Variants in GALNT6 observed in about 807,000 individuals in gnomAD.
GALNT6 encodes the protein polypeptide N-acetylgalactosaminyltransferase 6.
In GALNT6, 51 loss-of-function variants were observed where a neutral mutation model predicts 65.9. That is an observed-to-expected ratio of 0.77 (90% confidence interval 0.62 to 0.98). The LOEUF is 0.98. GALNT6 is among the 50% of genes least tolerant of loss of function. The probability of loss-of-function intolerance (pLI) is 0.00; values close to 1 mark genes in which losing one functional copy is unlikely to be tolerated. For missense variants in GALNT6, 708 were observed against 803.3 expected, an observed-to-expected ratio of 0.88 and a Z score of 1.43; for synonymous variants, 323 against 315.1, an observed-to-expected ratio of 1.02 and a Z score of -0.26.
In GALNT6 at chr12:51,379,810, C is replaced by A; in HGVS notation, c.-29G>T. 6.3e-7 allele frequency: 1 copy of A among 1,577,704 alleles called. No homozygotes were observed. Among genetic ancestry groups the A allele is most frequent in the Non-Finnish European group, 8.6e-7 (1 of 1,166,566 alleles). Reference sequence around the variant, plus strand: ...CCAGAACCAAGGGGCACCCCAGCTGCGTCAGCTCTGAGTCCTGAGCCCAAC... The same window carrying A: ...CCAGAACCAAGGGGCACCCCAGCTGAGTCAGCTCTGAGTCCTGAGCCCAAC... On this transcript the variant is annotated 5_prime_UTR_variant, in exon 3 of 12. Transcript: ENST00000356317.
rs75984960 is a variant in GALNT6, at chr12:51,378,888, C to T, written c.491+403G>A. Among the ~76,000 whole-genome samples, 828 of 145,364 alleles carry T rather than the reference C, an allele frequency of 5.7e-3. 18 individuals are homozygous for T. The highest frequency in any genetic ancestry group is 0.019 in the African/African-American group (768 of 39,456). ...TTGCTGTTAAGAAATGCCCACCCCC[C>T]CCCCAAACAGCTCAGCATTAGAGTC... On this transcript the variant is annotated intron_variant, in intron 3 of 11. Coordinates refer to ENST00000356317, the MANE Select transcript of GALNT6 (RefSeq NM_007210.4).
chr12:51,364,452 C>T (rs1947029779), intron 5 of GALNT6, 97 bp from the exon 6 acceptor site: 1 of 799,326 alleles, frequency 1.3e-6, no homozygotes, highest in South Asian at 1.7e-5. Context: ...AAGAGACAGT[C>T]CACCTACTCC....
chr12:51,373,549 T>G (rs895735609), intron 4 of GALNT6, among the ~76,000 whole-genome samples: 2 of 152,178 alleles, frequency 1.3e-5, no homozygotes, highest in Non-Finnish European at 2.9e-5. Context: ...ACCTCTCTCC[T>G]TTATAAATGA....
At chr12:51,381,538 C>A (rs549696251) in intron 2 of GALNT6, among the ~76,000 whole-genome samples, 1 of 152,204 alleles carries the variant, frequency 6.6e-6, no homozygotes, top group Non-Finnish European at 1.5e-5. Flanking sequence ...AGGGTTGTTA[C>A]AAGGATTATG....
intron 2 of GALNT6, among the ~76,000 whole-genome samples, chr12:51,382,916 G>T (rs1438552875): frequency 6.6e-6 from 1 of 152,116 alleles, no homozygotes; most frequent in Non-Finnish European, 1.5e-5. Context: ...CTTTCCCCAA[G>T]GGATTTGAAA....
chr12:51,376,431 C>T (rs1223727019), intron 4 of GALNT6, among the ~76,000 whole-genome samples: 10 of 151,694 alleles, frequency 6.6e-5, no homozygotes, highest in Admixed American at 2.6e-4. Context: ...TTCGGGAGTT[C>T]GAGACCAACC....
chr12:51,355,563 G>A (rs993929982), intron 11 of GALNT6, among the ~76,000 whole-genome samples: 5 of 152,140 alleles, frequency 3.3e-5, no homozygotes, highest in Non-Finnish European at 7.3e-5. Flanking sequence ...TCCGCCTCCT[G>A]GGTTCCGGCA....
rs537298004 is a variant in GALNT6 at position 51,354,085 on chromosome 12, G to C, written c.*294C>G. 1 of 298,496 alleles carries C rather than the reference G, an allele frequency of 3.4e-6. No homozygotes were observed. The highest frequency in any genetic ancestry group is 6.1e-6 in the Non-Finnish European group (1 of 164,146). The allele number at this position is 298,496 out of a possible 1,614,324, so 18.5% of individuals were successfully genotyped here. ...GCCTGAAGTACTTTTCTTGAACTCA[G>C]CATTGCTGCCCTGAACCCTCCCCCA... On this transcript the variant is annotated 3_prime_UTR_variant, in exon 12 of 12. Transcript: ENST00000356317.
chr12:51,376,576 T>C (rs1947459692), intron 4 of GALNT6, among the ~76,000 whole-genome samples: 1 of 142,064 alleles, frequency 7.0e-6, no homozygotes, highest in Non-Finnish European at 1.5e-5. Context: ...GAGGTTGTGG[T>C]GAGCTGAGAT....
intron 4 of GALNT6, among the ~76,000 whole-genome samples, chr12:51,368,710 T>G (rs1395536290): frequency 1.4e-5 from 2 of 146,812 alleles, no homozygotes. Flanking sequence ...CCCGCCCACT[T>G]TTTCCTTCTT....
At chr12:51,381,140 T>A (rs1448170026) in intron 2 of GALNT6, among the ~76,000 whole-genome samples, 1 of 152,158 alleles carries the variant, frequency 6.6e-6, no homozygotes, top group Non-Finnish European at 1.5e-5. Flanking sequence ...CCTGGGAGGC[T>A]GAAGCAGGAG....
chr12:51,379,442 C>T lies in GALNT6; in HGVS notation c.340G>A (p.Gly114Arg). Residue 114 changes from glycine to arginine, a missense_variant, in exon 3 of 12, where the codon GGG becomes AGG. Transcript: ENST00000356317. ...ERPPQDPNAP[G>R]ADGKAFQKSK... is the part of the protein sequence containing the mutation. ...TTCTGAAATGCTTTTCCATCTGCCC[C>T]AGGGGCATTGGGGTCCTGTGGTGGC... 1 of 1,613,798 alleles carries T rather than the reference C, an allele frequency of 6.2e-7. No homozygotes were observed. Among genetic ancestry groups the T allele is most frequent in the Non-Finnish European group, 8.5e-7 (1 of 1,179,836 alleles).
At chr12:51,357,132 C>CT (rs1188021066) in intron 10 of GALNT6, among the ~76,000 whole-genome samples, 1 of 152,232 alleles carries the variant, frequency 6.6e-6, no homozygotes, top group African/African-American at 2.4e-5. Context: ...ACAACCCTCC[C>CT]TCCCATCCCC....
chr12:51,367,024 G>A (rs978588690), intron 4 of GALNT6, among the ~76,000 whole-genome samples: 17 of 152,184 alleles, frequency 1.1e-4, no homozygotes, highest in Non-Finnish European at 2.9e-5. Context: ...AGTACTTTGG[G>A]AGGCGGAGGC....
chr12:51,384,465 G>A (rs185048829), intron 2 of GALNT6, among the ~76,000 whole-genome samples: 28 of 152,288 alleles, frequency 1.8e-4, no homozygotes, highest in Non-Finnish European at 3.7e-4. Context: ...GCCATGGTGG[G>A]CAGATCACTT....
intron 4 of GALNT6, among the ~76,000 whole-genome samples, chr12:51,367,544 C>G (rs1947149069): frequency 6.6e-6 from 1 of 152,232 alleles, no homozygotes; most frequent in South Asian, 2.1e-4. Flanking sequence ...TTTATCTCTG[C>G]CACGGTTCTG....
At chr12:51,390,156 CTTTTTTTTTTT>C (rs796243349) in intron 2 of GALNT6, among the ~76,000 whole-genome samples, 1 of 116,322 alleles carries the variant, frequency 8.6e-6, no homozygotes, top group Non-Finnish European at 1.7e-5. Flanking sequence ...TTCTTTCTTT[CTTTTTTTTTTT>C]TTTTTTTTTT....
intron 3 of GALNT6, among the ~76,000 whole-genome samples, chr12:51,378,877 T>TCCCC (rs1947550530): frequency 1.6e-5 from 2 of 126,256 alleles, no homozygotes; most frequent in Non-Finnish European, 1.6e-5. Flanking sequence ...TGTTAAGAAA[T>TCCCC]GCCCACCCCC....
chr12:51,375,503 A>G (rs977962088), intron 4 of GALNT6, among the ~76,000 whole-genome samples: 2 of 151,898 alleles, frequency 1.3e-5, no homozygotes, highest in African/African-American at 4.8e-5. Context: ...TGGCACATGA[A>G]TCTCATTTAT....
Sources: allele counts gnomAD v4.1 joint callset (sites outside exome capture counted in the v4.1 genomes callset), GRCh38; gene constraint gnomAD v4.1.1; transcripts MANE v1.5; gene names NCBI Gene and HGNC (gene_info 2026-07-23, HGNC 2026-07-21).